COG1: variants seen among roughly 807,000 people sequenced by gnomAD.
COG1 encodes the protein component of oligomeric golgi complex 1, also known as conserved oligomeric Golgi complex subunit 1.
COG1 carries 61 observed loss-of-function variants against 102.2 expected under a neutral mutation model. The observed-to-expected ratio is 0.60, with a 90% CI of 0.49 to 0.74. The LOEUF is 0.74. Ranked by LOEUF, COG1 falls within the 30% of genes least tolerant of loss-of-function variation. The pLI is 0.00. For synonymous variants in COG1, 454 were observed against 493.6 expected (o/e 0.92, Z 1.06); for missense variants, 1,164 against 1,232.1 (o/e 0.94, Z 0.83).
chr17:73,207,281 A>C (rs754379502), intron 13 of COG1, 25 bp downstream of exon 13: 1 of 1,610,836 alleles, frequency 6.2e-7, no homozygotes, highest in South Asian at 1.1e-5. Flanking sequence ...CAAGAGGCTC[A>C]TCCGTGGATG....
At position 73,196,974 on chromosome 17, in the gene COG1, T is replaced by G. The variant is rs2061328008; in HGVS notation, c.635T>G (p.Leu212Arg). 1.2e-6 allele frequency: 2 copies of G among 1,614,238 alleles called. No individual in the cohort carries two copies. The highest frequency in any genetic ancestry group is 4.5e-5 in the East Asian group (2 of 44,890). The change falls in exon 3 of 14, where the codon CTG (leucine) becomes CGG (arginine). Residue 212 changes from leucine to arginine, a missense_variant. Coordinates refer to ENST00000299886, the MANE Select transcript of COG1 (RefSeq NM_018714.3). Reference sequence around the variant, plus strand: ...TCTGACCAAGCTGTGGCCGAGGCCCTGTGCTCTATAATGCTCTTAGAAGAG... The same window carrying G: ...TCTGACCAAGCTGTGGCCGAGGCCCGGTGCTCTATAATGCTCTTAGAAGAG... ...GVSDQAVAEALCSIMLLEESS... is the reference protein window; with the variant it reads ...GVSDQAVAEARCSIMLLEESS...
At chr17:73,203,825 A>G in intron 9 of COG1, 32 bp downstream of exon 9, 1 of 1,612,664 alleles carries the variant, frequency 6.2e-7, no homozygotes. Flanking sequence ...CATTAAAAAC[A>G]CAAATTAAAC....
rs2061362604 is a variant in COG1, at chr17:73,205,094, T to TGGA, written c.2383-456_2383-454dup. ...AGGAGAATTGCTTGAACCTGGGAGG[T>TGGA]GGAGGTTGCAGTGAGCCCAGATTGT... On this transcript the variant is annotated intron_variant, in intron 9 of 13. Coordinates refer to ENST00000299886, the MANE Select transcript of COG1 (RefSeq NM_018714.3). 5 of 212,862 alleles carry TGGA rather than the reference T, an allele frequency of 2.3e-5. No individual in the cohort carries two copies. The South Asian group carries it at 3.5e-4, about 15-fold the overall frequency. 13.2% of individuals were successfully genotyped at this position (212,862 alleles called of 1,614,324 possible). A position where few individuals can be genotyped will look rare whatever the true frequency, so the allele number is the denominator to read the frequency against.
chr17:73,195,797 C>T (rs2061323103), intron 1 of COG1, among the ~76,000 whole-genome samples: 1 of 152,186 alleles, frequency 6.6e-6, no homozygotes, highest in Non-Finnish European at 1.5e-5. Context: ...CCTGCGATCC[C>T]AGCTACTCAG....
Position 73,193,099 on chromosome 17 carries a change from G to A in COG1, c.30G>A (p.Leu10=), listed in dbSNP as rs1374909947. 6.2e-7 allele frequency: 1 copy of A among 1,606,356 alleles called. No individual in the cohort carries two copies. Among genetic ancestry groups the A allele is most frequent in the Non-Finnish European group, 8.5e-7 (1 of 1,175,976 alleles). MATAATSPA[L]KRLDLRDPAA... ...CCACCGCGGCAACCTCACCCGCGCT[G>A]AAGCGGCTGGATCTGCGCGACCCTG... Residue 10 remains leucine (L), a synonymous_variant, in exon 1 of 14, where the codon CTG becomes CTA. Coordinates refer to ENST00000299886, the MANE Select transcript of COG1 (RefSeq NM_018714.3).
intron 13 of COG1, chr17:73,208,051 G>T: frequency 1.5e-6 from 2 of 1,374,044 alleles, no homozygotes; most frequent in South Asian, 1.5e-5. Flanking sequence ...CATTAGGTTA[G>T]CAGGCTGTGG....
At chr17:73,197,143 G>A (rs905566718) in intron 3 of COG1, 62 bp downstream of exon 3, 20 of 1,611,252 alleles carry the variant, frequency 1.2e-5, no homozygotes, top group South Asian at 2.2e-5. Context: ...GGTGAGCTGC[G>A]GGAGACTGAA....
At chr17:73,200,451 A>G (rs1399850733) in intron 5 of COG1, 115 bp from the exon 6 acceptor site, 8 of 987,090 alleles carry the variant, frequency 8.1e-6, no homozygotes, top group Non-Finnish European at 1.3e-5. Flanking sequence ...ACACATAGAT[A>G]TTTATCTACT....
Position 73,205,960 on chromosome 17 carries a change from C to T in COG1, c.2511-194C>T, listed in dbSNP as rs370813058. On this transcript the variant is annotated intron_variant, in intron 10 of 13. Transcript: ENST00000299886. ...CTTAGTGCCCTCCTTATAGACAGAA[C>T]GGGGGAAAGGGTGGACTTCACTTAG... The T allele has an allele frequency of 9.1e-5, 62 of 678,922 alleles. No homozygotes were observed. In the African/African-American group the frequency reaches 9.8e-4, roughly 11 times the overall value. 42.1% of individuals were successfully genotyped at this position (678,922 alleles called of 1,614,324 possible).
At chr17:73,199,641 C>G (rs990735066) in intron 4 of COG1, among the ~76,000 whole-genome samples, 11 of 152,118 alleles carry the variant, frequency 7.2e-5, no homozygotes, top group African/African-American at 1.9e-4. Flanking sequence ...GTGGCATGAT[C>G]ATGGGTCACT....
rs562332952 is a variant in COG1 at position 73,199,953 on chromosome 17, A to G, written c.1002A>G (p.Thr334=). 12 of 1,614,124 alleles carry G rather than the reference A, an allele frequency of 7.4e-6. No individual in the cohort carries two copies. The South Asian group carries it at 1.2e-4, about 16-fold the overall frequency. ...LPASIVEFQP[T]LRTLAHPISQ... is the part of the protein sequence containing the mutation. ...CATCCATCGTCGAGTTCCAGCCAAC[A>G]CTCCGAACCCTTGCACATCCCATCA... is the stretch of plus-strand genomic sequence containing the variant. The change falls in exon 5 of 14, where the codon ACA becomes ACG. Residue 334 remains threonine (T), a synonymous_variant. Coordinates refer to ENST00000299886, the MANE Select transcript of COG1 (RefSeq NM_018714.3).
chr17:73,193,404 C>G lies in COG1; in HGVS notation c.315+20C>G, dbSNP rs948833862. 9 of 1,400,146 alleles carry G rather than the reference C, an allele frequency of 6.4e-6. No individual in the cohort carries two copies. The highest frequency in any genetic ancestry group is 8.3e-6 in the Non-Finnish European group (9 of 1,086,392). The allele number at this position is 1,400,146 out of a possible 1,614,324, so 86.7% of individuals were successfully genotyped here. On this transcript the variant is annotated intron_variant, in intron 1 of 13. Transcript: ENST00000299886. Reference sequence around the variant, plus strand: ...CAGCAGGTCAGTCCCCGTGCCCCCACCCTGCGACCCGCAGGCGGGTCCCGG... The same window carrying G: ...CAGCAGGTCAGTCCCCGTGCCCCCAGCCTGCGACCCGCAGGCGGGTCCCGG...
Position 73,193,729 on chromosome 17 carries a change from T to C in COG1, c.315+345T>C, listed in dbSNP as rs549096429. On this transcript the variant is annotated intron_variant, in intron 1 of 13. Transcript: ENST00000299886. ...CTTGACAGTTCAACGCTCACCTATA[T>C]AACATGTCCTGACATTGTTTTTCCT... Among the ~76,000 whole-genome samples the C allele has an allele frequency of 2.2e-4, 33 of 152,286 alleles. No individual in the cohort carries two copies. The South Asian group carries it at 2.3e-3, about 11-fold the overall frequency.
Position 73,196,490 on chromosome 17 carries a change from T to C in COG1, c.316-17T>C, listed in dbSNP as rs1052955447. ...TTTGTTCGTTCTTCTGGTTTAGTTC[T>C]GTGCCTTCCCCTGCAGCCACAGCAG... On this transcript the variant is annotated splice_polypyrimidine_tract_variant and intron_variant, in intron 1 of 13. Coordinates refer to ENST00000299886, the MANE Select transcript of COG1 (RefSeq NM_018714.3). 2 of 1,614,172 alleles carry C rather than the reference T, an allele frequency of 1.2e-6. No homozygotes were observed. The highest frequency in any genetic ancestry group is 2.2e-5 in the East Asian group (1 of 44,882).
intron 13 of COG1, 23 bp from the exon 14 acceptor site, chr17:73,208,291 C>CTT: frequency 6.2e-7 from 1 of 1,612,646 alleles, no homozygotes; most frequent in Non-Finnish European, 8.5e-7. Context: ...CTCTAAGGCA[C>CTT]TTTTCTCTAC....
intron 9 of COG1, among the ~76,000 whole-genome samples, 166 bp downstream of exon 9, chr17:73,203,959 C>T (rs953511822): frequency 9.9e-5 from 15 of 152,166 alleles, no homozygotes; most frequent in African/African-American, 3.6e-4. Flanking sequence ...TAGCACCCAG[C>T]GCTGTGAGTT....
intron 7 of COG1, 173 bp from the exon 8 acceptor site, chr17:73,202,827 C>T: frequency 1.4e-6 from 1 of 720,538 alleles, no homozygotes. Flanking sequence ...GGGTAGTTAG[C>T]AACAAAATTC....
chr17:73,203,826 CAAATT>C (rs1267766961), intron 9 of COG1, 33 bp downstream of exon 9: 1 of 1,612,086 alleles, frequency 6.2e-7, no homozygotes, highest in Non-Finnish European at 8.5e-7. Flanking sequence ...ATTAAAAACA[CAAATT>C]AAACAAAAGA....
chr17:73,193,115 C>T lies in COG1; in HGVS notation c.46C>T (p.Arg16Cys), dbSNP rs2061308763. ...TSPALKRLDL[R>C]DPAALFETHG... is the part of the protein sequence containing the mutation. ...ACCCGCGCTGAAGCGGCTGGATCTG[C>T]GCGACCCTGCGGCTCTTTTCGAGAC... Residue 16 changes from arginine (R) to cysteine (C), a missense_variant, in exon 1 of 14, where the codon CGC becomes TGC. Coordinates refer to ENST00000299886, the MANE Select transcript of COG1 (RefSeq NM_018714.3). 1.9e-6 allele frequency: 3 copies of T among 1,611,452 alleles called. No homozygotes were observed. The Admixed American group carries it at 5.0e-5, about 27-fold the overall frequency.
Sources: allele counts gnomAD v4.1 joint callset (sites outside exome capture counted in the v4.1 genomes callset), GRCh38; gene constraint gnomAD v4.1.1; transcripts MANE v1.5; gene names NCBI Gene and HGNC (gene_info 2026-07-23, HGNC 2026-07-21).